AUTS2: variants seen among roughly 807,000 people sequenced by gnomAD.
AUTS2 encodes the protein activator of transcription and developmental regulator AUTS2.
Under a neutral mutation model 112.4 loss-of-function variants are expected in AUTS2, and 17 were observed. That is an observed-to-expected ratio of 0.15 (90% confidence interval 0.10 to 0.23). The LOEUF is 0.23. Among genes scored for constraint, AUTS2 ranks in the 10% least tolerant of loss-of-function variants. The pLI is 1.00. For missense variants in AUTS2, 1,510 were observed against 1,701.6 expected (o/e 0.89, Z 1.98); for synonymous variants, 751 against 702.7 (o/e 1.07, Z -1.09).
At chr7:69,908,037 G>A (rs1398128830) in intron 2 of AUTS2, among the ~76,000 whole-genome samples, 1 of 152,180 alleles carries the variant, frequency 6.6e-6, no homozygotes, top group African/African-American at 2.4e-5. Flanking sequence ...CTCCCTCTTG[G>A]AAGTGCTGTT....
rs543301671 is a variant in AUTS2 at position 69,983,563 on chromosome 7, A to C, written c.522+84065A>C. ...GTTATGTGGGTATGACTGTGTAGGA[A>C]AGAAAAAAAGTGCTACTCTTTGTAG... On this transcript the variant is annotated intron_variant, in intron 2 of 18. Coordinates refer to ENST00000342771, the MANE Select transcript of AUTS2 (RefSeq NM_015570.4). 1.4e-4 allele frequency among the ~76,000 whole-genome samples: 22 copies of C among 152,124 alleles called. No individual in the cohort carries two copies. The South Asian group carries it at 4.6e-3, about 32-fold the overall frequency.
At chr7:70,668,407 G>A (rs1264349909) in intron 5 of AUTS2, among the ~76,000 whole-genome samples, 1 of 152,226 alleles carries the variant, frequency 6.6e-6, no homozygotes, top group Admixed American at 6.5e-5. Context: ...CTCATCAAAT[G>A]TGAAAGACCC....
chr7:70,569,922 C>A (rs547415012), intron 5 of AUTS2, among the ~76,000 whole-genome samples: 1 of 151,646 alleles, frequency 6.6e-6, no homozygotes, highest in South Asian at 2.1e-4. Context: ...TCTCCCAAAA[C>A]AAAACTCAAG....
At chr7:69,780,398 A>G (rs570834018) in intron 1 of AUTS2, among the ~76,000 whole-genome samples, 23 of 152,296 alleles carry the variant, frequency 1.5e-4, no homozygotes, top group African/African-American at 5.5e-4. Context: ...GACCTTTTCT[A>G]TTAAAGCCCA....
At chr7:70,252,086 C>T (rs564717852) in intron 4 of AUTS2, among the ~76,000 whole-genome samples, 14 of 152,254 alleles carry the variant, frequency 9.2e-5, no homozygotes, top group Admixed American at 7.2e-4. Context: ...ATTGCTGCAA[C>T]GAACATGAGA....
At chr7:69,780,828 G>T (rs979602872) in intron 1 of AUTS2, among the ~76,000 whole-genome samples, 9 of 152,134 alleles carry the variant, frequency 5.9e-5, no homozygotes, top group African/African-American at 2.2e-4. Flanking sequence ...CTTTTTGAAA[G>T]CAAACAACAA....
At chr7:70,703,612 A>G (rs534667783) in intron 6 of AUTS2, among the ~76,000 whole-genome samples, 1 of 152,036 alleles carries the variant, frequency 6.6e-6, no homozygotes, top group South Asian at 2.1e-4. Context: ...AAATCCCTTT[A>G]TAATGAACAT....
chr7:69,964,384 A>G (rs551644012), intron 2 of AUTS2, among the ~76,000 whole-genome samples: 6 of 152,340 alleles, frequency 3.9e-5, no homozygotes, highest in Admixed American at 3.9e-4. Flanking sequence ...TTGCGTGCAC[A>G]CTATCCTTAG....
intron 2 of AUTS2, among the ~76,000 whole-genome samples, chr7:69,973,416 T>A (rs1432069193): frequency 2.0e-5 from 3 of 152,218 alleles, no homozygotes; most frequent in Non-Finnish European, 2.9e-5. Context: ...CTATGCTTTT[T>A]AAATTTCCTT....
At chr7:70,736,169 A>T (rs1787771306) in intron 6 of AUTS2, among the ~76,000 whole-genome samples, 1 of 152,170 alleles carries the variant, frequency 6.6e-6, no homozygotes, top group Non-Finnish European at 1.5e-5. Context: ...AGCCTTCACA[A>T]ATCAAAGGGG....
At chr7:70,776,484 ATTC>A (rs1292780660) in intron 13 of AUTS2, among the ~76,000 whole-genome samples, 5 of 152,100 alleles carry the variant, frequency 3.3e-5, no homozygotes, top group Non-Finnish European at 4.4e-5. Context: ...AGGAAGGAAT[ATTC>A]TTCTCTTTGT....
At chr7:69,690,577 A>G (rs1337133687) in intron 1 of AUTS2, among the ~76,000 whole-genome samples, 1 of 152,116 alleles carries the variant, frequency 6.6e-6, no homozygotes, top group East Asian at 1.9e-4. Context: ...GCAGCTCCAT[A>G]TGAGGCTGTG....
intron 1 of AUTS2, among the ~76,000 whole-genome samples, chr7:69,741,952 G>A (rs1356106693): frequency 1.1e-4 from 17 of 151,706 alleles, no homozygotes; most frequent in Non-Finnish European, 5.9e-5. Flanking sequence ...GAAGCACCAC[G>A]CTTGGCTAAT....
At chr7:70,083,886 G>A (rs1402559126) in intron 2 of AUTS2, among the ~76,000 whole-genome samples, 6 of 152,144 alleles carry the variant, frequency 3.9e-5, no homozygotes, top group Admixed American at 3.9e-4. Context: ...GGTCAAGACT[G>A]CAGTAAGCCT....
chr7:69,739,824 ATGT>A (rs1787189778), intron 1 of AUTS2, among the ~76,000 whole-genome samples: 1 of 152,066 alleles, frequency 6.6e-6, no homozygotes, highest in Admixed American at 6.6e-5. Flanking sequence ...GAGAGTATGG[ATGT>A]TGTCGTCGGT....
chr7:70,292,060 T>C (rs1378096114), intron 4 of AUTS2: 1 of 152,226 alleles, frequency 6.6e-6, no homozygotes, highest in African/African-American at 2.4e-5. Flanking sequence ...TTCTGACTCA[T>C]TGGATTGATT....
At chr7:70,537,560 A>G (rs533707851) in intron 5 of AUTS2, among the ~76,000 whole-genome samples, 1 of 152,340 alleles carries the variant, frequency 6.6e-6, no homozygotes, top group African/African-American at 2.4e-5. Context: ...TTTTATTTAA[A>G]GATCCTAGTG....
rs1392916220 is a variant in AUTS2, at chr7:69,876,526, A to G, written c.310-22760A>G. Among the ~76,000 whole-genome samples the G allele has an allele frequency of 1.7e-3, 65 of 38,850 alleles. 9 individuals carry two copies. The highest frequency in any genetic ancestry group is 4.8e-3 in the African/African-American group (36 of 7,446). The allele number at this position is 38,850 out of a possible 152,430, so 25.5% of individuals were successfully genotyped here. A position where few individuals can be genotyped will look rare whatever the true frequency, so the allele number is the denominator to read the frequency against. On this transcript the variant is annotated intron_variant, in intron 1 of 18. Transcript: ENST00000342771. ...TATATATATATATATATATATATAT[A>G]TATATATATATATATATATTTTCAG... is the stretch of plus-strand genomic sequence containing the variant.
chr7:70,408,053 C>CA (rs1279422141), intron 4 of AUTS2, among the ~76,000 whole-genome samples: 673 of 58,404 alleles, frequency 0.012, 2 homozygotes, highest in East Asian at 0.034. Flanking sequence ...GACTCCATCT[C>CA]AAAAAAAAAA....
Sources: gnomAD v4.1 joint callset for allele counts (sites outside exome capture counted in the v4.1 genomes callset) on GRCh38, gnomAD v4.1.1 for gene constraint, MANE v1.5 for transcripts, NCBI Gene and HGNC (gene_info 2026-07-23, HGNC 2026-07-21) for gene names.